Variants in GPHN observed in about 807,000 individuals in gnomAD.
The protein encoded by GPHN is gephyrin.
Under a neutral mutation model 95.5 loss-of-function variants are expected in GPHN, and 17 were observed. The observed-to-expected ratio is 0.18, with a 90% CI of 0.12 to 0.27. GPHN has a LOEUF of 0.27. Ranked by LOEUF, GPHN falls within the 10% of genes least tolerant of loss-of-function variation. The pLI is 1.00. For synonymous variants in GPHN, 320 were observed against 322.5 expected, an observed-to-expected ratio of 0.99 and a Z score of 0.08; for missense variants, 660 against 978.1, an observed-to-expected ratio of 0.67 and a Z score of 4.34.
chr14:66,804,401 T>A (rs563030642), intron 3 of GPHN, among the ~76,000 whole-genome samples: 1 of 152,238 alleles, frequency 6.6e-6, no homozygotes, highest in African/African-American at 2.4e-5. Context: ...AGCAAGTCTT[T>A]GTTTTTCAAT....
chr14:66,859,541 A>G (rs2062942898), intron 4 of GPHN, among the ~76,000 whole-genome samples: 1 of 152,212 alleles, frequency 6.6e-6, no homozygotes, highest in South Asian at 2.1e-4. Flanking sequence ...GCTAATAAAT[A>G]CCTAACTCTT....
chr14:66,944,339 C>A (rs1449428004), intron 8 of GPHN, among the ~76,000 whole-genome samples: 1 of 152,194 alleles, frequency 6.6e-6, no homozygotes, highest in Non-Finnish European at 1.5e-5. Context: ...TCCCAGGCCA[C>A]CATTGTAAAA....
At chr14:67,695,828 T>A in the GPHN span, 1 of 870,982 alleles carries the variant, frequency 1.1e-6, no homozygotes, top group Non-Finnish European at 1.8e-6. Context: ...CTGGGAAATG[T>A]AGTCCAGAGC....
intron 5 of GPHN, among the ~76,000 whole-genome samples, chr14:66,884,626 A>G (rs560736352): frequency 6.6e-6 from 1 of 152,036 alleles, no homozygotes; most frequent in African/African-American, 2.4e-5. Flanking sequence ...AAATTTCATT[A>G]AAAACAACAG....
chr14:67,479,105 T>C, the GPHN span, among the ~76,000 whole-genome samples: 12 of 152,220 alleles, frequency 7.9e-5, no homozygotes, highest in Non-Finnish European at 1.2e-4. Flanking sequence ...AACTAAAATT[T>C]CATCTTAAAA....
intron 8 of GPHN, among the ~76,000 whole-genome samples, chr14:66,964,160 A>G: frequency 6.6e-6 from 1 of 152,250 alleles, no homozygotes; most frequent in South Asian, 2.1e-4. Flanking sequence ...ATTAGTCTTT[A>G]TGTTTGTATA....
At chr14:67,656,648 A>G in the GPHN span, 7 of 1,526,990 alleles carry the variant, frequency 4.6e-6, no homozygotes, top group Non-Finnish European at 6.2e-6. Context: ...CATTGCCAGC[A>G]TATTCCTCAT....
chr14:67,574,126 A>G, the GPHN span: 1 of 862,794 alleles, frequency 1.2e-6, no homozygotes, highest in African/African-American at 1.7e-5. The surrounding 1 kb of genome is among the most constrained non-coding windows in gnomAD (Gnocchi z 4.2). Flanking sequence ...AGGGAGCACT[A>G]GGGCAGGCAG....
At chr14:67,522,812 C>G in the GPHN span, among the ~76,000 whole-genome samples, 1 of 152,258 alleles carries the variant, frequency 6.6e-6, no homozygotes, top group East Asian at 1.9e-4. Context: ...GGGGCAAACC[C>G]CATCTCTATT....
At chr14:67,188,089 C>T in the GPHN span, among the ~76,000 whole-genome samples, 1 of 152,164 alleles carries the variant, frequency 6.6e-6, no homozygotes, top group African/African-American at 2.4e-5. Flanking sequence ...GGCAGGAAAG[C>T]TTCATATCCC....
the GPHN span, among the ~76,000 whole-genome samples, chr14:67,515,696 T>TG: frequency 6.6e-6 from 1 of 152,184 alleles, no homozygotes; most frequent in Non-Finnish European, 1.5e-5. Context: ...CGCCTGCATT[T>TG]GAGTGTCTGT....
At chr14:67,047,886 G>T (rs912643377) in intron 10 of GPHN, among the ~76,000 whole-genome samples, 1 of 152,174 alleles carries the variant, frequency 6.6e-6, no homozygotes, top group Non-Finnish European at 1.5e-5. Context: ...ATTTGAGCCA[G>T]CAGGTCAAAG....
chr14:66,887,361 A>G (rs2064248436), intron 5 of GPHN, among the ~76,000 whole-genome samples: 1 of 152,174 alleles, frequency 6.6e-6, no homozygotes, highest in Non-Finnish European at 1.5e-5. Flanking sequence ...AGGCCAAGGC[A>G]GGTGGATCAT....
chr14:67,366,195 G>A, the GPHN span, among the ~76,000 whole-genome samples: 3 of 151,694 alleles, frequency 2.0e-5, no homozygotes, highest in South Asian at 2.1e-4. Context: ...TGTTCCTCAA[G>A]CAGTCCTCCC....
intron 8 of GPHN, among the ~76,000 whole-genome samples, chr14:66,954,150 T>C (rs1224437537): frequency 6.6e-6 from 1 of 152,178 alleles, no homozygotes; most frequent in Non-Finnish European, 1.5e-5. Context: ...AATTTCAGGA[T>C]AGGTTTTTCT....
At chr14:67,040,997 C>G (rs1446917819) in intron 10 of GPHN, among the ~76,000 whole-genome samples, 6 of 152,134 alleles carry the variant, frequency 3.9e-5, no homozygotes, top group Non-Finnish European at 8.8e-5. Context: ...CTTTTACCTT[C>G]TAGTCTTAGC....
intron 17 of GPHN, among the ~76,000 whole-genome samples, chr14:67,141,376 T>C (rs1047795583): frequency 6.6e-6 from 1 of 152,196 alleles, no homozygotes; most frequent in Non-Finnish European, 1.5e-5. Flanking sequence ...TTTTCCAGAA[T>C]AAAAATCCCA....
chr14:66,927,274 G>A (rs1471391588), intron 8 of GPHN, among the ~76,000 whole-genome samples: 1 of 151,886 alleles, frequency 6.6e-6, no homozygotes, highest in Admixed American at 6.6e-5. Flanking sequence ...GCTTGAACCT[G>A]GGAGGTGGAG....
chr14:67,350,538 A>T, the GPHN span: 7 of 1,326,062 alleles, frequency 5.3e-6, no homozygotes, highest in Non-Finnish European at 7.4e-6. Flanking sequence ...AAATTAAAAA[A>T]TGCTTTTTAA....
Sources: allele counts gnomAD v4.1 joint callset (sites outside exome capture counted in the v4.1 genomes callset), GRCh38; gene constraint gnomAD v4.1.1; non-coding constraint Gnocchi (gnomAD v3.1); transcripts MANE v1.5; gene names NCBI Gene and HGNC (gene_info 2026-07-23, HGNC 2026-07-21).